The following FGF2 variants were observed in gnomAD, a reference collection of about 807,000 sequenced individuals.
FGF2 encodes the protein fibroblast growth factor 2, also known as basic fibroblast growth factor bFGF.
A neutral mutation model predicts 15.9 loss-of-function variants in FGF2; 13 were observed. That is an observed-to-expected ratio of 0.82 (90% CI 0.53 to 1.30). FGF2 has a LOEUF of 1.30. Ranked by LOEUF, FGF2 falls within the 50% of genes most tolerant of loss-of-function variation. The pLI is 0.00. For missense variants in FGF2, 163 were observed against 196.9 expected, an observed-to-expected ratio of 0.83 and a Z score of 1.03; for synonymous variants, 90 against 78.4, an observed-to-expected ratio of 1.15 and a Z score of -0.78.
intron 2 of FGF2, among the ~76,000 whole-genome samples, chr4:122,886,036 G>A (rs1331378540): frequency 6.8e-6 from 1 of 147,696 alleles, no homozygotes; most frequent in Admixed American, 6.9e-5. Flanking sequence ...CTCCTACCTT[G>A]GCCTCCCAAG....
rs144898802 is a variant in FGF2 at position 122,848,699 on chromosome 4, A to C, written c.178+21347A>C. On this transcript the variant is annotated intron_variant, in intron 1 of 2. Coordinates refer to ENST00000644866, the MANE Select transcript of FGF2 (RefSeq NM_001361665.2). ...TAGTTTCTTTTAAAGTCATGTTCTG[A>C]TCTGTGGTTGCAAATGTCTGCTGCT... is the stretch of plus-strand genomic sequence containing the variant. 4.5e-3 allele frequency among the ~76,000 whole-genome samples: 685 copies of C among 152,220 alleles called. 6 individuals are homozygous for C. Among genetic ancestry groups the C allele is most frequent in the South Asian group, 0.037 (178 of 4,816 alleles).
At chr4:122,852,334 G>A (rs1425856281) in intron 1 of FGF2, among the ~76,000 whole-genome samples, 1 of 152,184 alleles carries the variant, frequency 6.6e-6, no homozygotes, top group Non-Finnish European at 1.5e-5. Context: ...TCCAGGTGCT[G>A]TCTCTCTCAG....
intron 2 of FGF2, chr4:122,889,039 A>C (rs1024981698): frequency 1.3e-5 from 2 of 152,178 alleles, no homozygotes; most frequent in Non-Finnish European, 2.9e-5. Flanking sequence ...TTATTCTTCA[A>C]TTTTAAAAAA....
chr4:122,882,977 T>C (rs1726989990), intron 2 of FGF2: 1 of 152,204 alleles, frequency 6.6e-6, no homozygotes, highest in Non-Finnish European at 1.5e-5. Flanking sequence ...TCCATAGACA[T>C]TAAACTGTCA....
intron 1 of FGF2, among the ~76,000 whole-genome samples, chr4:122,839,423 A>G (rs920446796): frequency 2.6e-5 from 4 of 152,208 alleles, no homozygotes; most frequent in Non-Finnish European, 5.9e-5. Flanking sequence ...AATTTTCTTC[A>G]TTGAGTGAGA....
chr4:122,858,242 G>A (rs901873852), intron 1 of FGF2, among the ~76,000 whole-genome samples: 26 of 152,090 alleles, frequency 1.7e-4, no homozygotes, highest in African/African-American at 5.8e-4. Flanking sequence ...AGTAAAAAAA[G>A]AAAGTTTACT....
rs936650217 is a variant in FGF2 at position 122,892,535 on chromosome 4, A to G, written c.*139A>G. On this transcript the variant is annotated 3_prime_UTR_variant, in exon 3 of 3. Transcript: ENST00000644866. ...AAACAATTTTTTATCCAGTAGTAAAATATGTAACCATTGTCCCAGTAAAGA... is the reference window on the plus strand; with the variant it reads ...AAACAATTTTTTATCCAGTAGTAAAGTATGTAACCATTGTCCCAGTAAAGA... The G allele has an allele frequency of 6.7e-7, 1 of 1,494,788 alleles. No individual in the cohort carries two copies. The highest frequency in any genetic ancestry group is 1.4e-5 in the African/African-American group (1 of 70,396). 92.6% of individuals were successfully genotyped at this position (1,494,788 alleles called of 1,614,324 possible). A position where few individuals can be genotyped will look rare whatever the true frequency, so the allele number is the denominator to read the frequency against.
At chr4:122,883,092 A>G (rs1726992038) in intron 2 of FGF2, 1 of 152,188 alleles carries the variant, frequency 6.6e-6, no homozygotes, top group African/African-American at 2.4e-5. Flanking sequence ...ATGAACTTGC[A>G]CTTGCCAGAG....
chr4:122,859,791 C>A (rs1034530103), intron 1 of FGF2, among the ~76,000 whole-genome samples: 1 of 152,146 alleles, frequency 6.6e-6, no homozygotes, highest in Non-Finnish European at 1.5e-5. Context: ...CATTTGACAC[C>A]ATGTTATTTA....
chr4:122,860,402 T>C (rs929324515), intron 1 of FGF2, among the ~76,000 whole-genome samples: 1 of 151,052 alleles, frequency 6.6e-6, no homozygotes, highest in African/African-American at 2.4e-5. Flanking sequence ...ACAAAGACTT[T>C]ACAAAGTTCC....
intron 1 of FGF2, among the ~76,000 whole-genome samples, chr4:122,850,709 G>A (rs1316452613): frequency 6.6e-6 from 1 of 152,180 alleles, no homozygotes; most frequent in Non-Finnish European, 1.5e-5. Flanking sequence ...GTAGCTAGTT[G>A]TATGGGACTC....
At chr4:122,883,390 T>C (rs1726997963) in intron 2 of FGF2, 1 of 152,268 alleles carries the variant, frequency 6.6e-6, no homozygotes, top group Non-Finnish European at 1.5e-5. Context: ...ACCGATTTTG[T>C]GTTGTTTGAA....
At chr4:122,890,301 A>G (rs1244915710) in intron 2 of FGF2, among the ~76,000 whole-genome samples, 3 of 152,150 alleles carry the variant, frequency 2.0e-5, no homozygotes, top group South Asian at 4.1e-4. Context: ...ACAGCACAAG[A>G]CAGTCCTGTG....
chr4:122,870,104 T>G (rs1368704330), intron 1 of FGF2, among the ~76,000 whole-genome samples: 3 of 152,234 alleles, frequency 2.0e-5, no homozygotes, highest in Non-Finnish European at 4.4e-5. Flanking sequence ...GTGGTTTTTG[T>G]CTTTGGTTCT....
intron 2 of FGF2, among the ~76,000 whole-genome samples, chr4:122,887,578 A>G (rs1363019972): frequency 6.6e-6 from 1 of 152,230 alleles, no homozygotes; most frequent in African/African-American, 2.4e-5. Context: ...ACAAACTTTT[A>G]AAAGTGTTGA....
intron 1 of FGF2, among the ~76,000 whole-genome samples, chr4:122,846,925 C>T (rs534805746): frequency 3.9e-5 from 6 of 152,222 alleles, no homozygotes; most frequent in South Asian, 2.1e-4. Flanking sequence ...GTCAGTCACA[C>T]GATGGATGCA....
At chr4:122,869,871 A>C (rs1726692060) in intron 1 of FGF2, among the ~76,000 whole-genome samples, 1 of 152,156 alleles carries the variant, frequency 6.6e-6, no homozygotes, top group Non-Finnish European at 1.5e-5. Context: ...TTCCAATACT[A>C]TGTTGAGTAG....
At chr4:122,884,588 C>T (rs1727021237) in intron 2 of FGF2, 1 of 152,222 alleles carries the variant, frequency 6.6e-6, no homozygotes, top group Non-Finnish European at 1.5e-5. Flanking sequence ...TTGATACTTA[C>T]ATCATGTCTG....
At chr4:122,829,515 G>GAATA (rs1414870888) in intron 1 of FGF2, among the ~76,000 whole-genome samples, 1 of 152,162 alleles carries the variant, frequency 6.6e-6, no homozygotes, top group Non-Finnish European at 1.5e-5. Flanking sequence ...GGGAAATGTA[G>GAATA]AATAACTCAT....
Sources: allele counts gnomAD v4.1 joint callset (sites outside exome capture counted in the v4.1 genomes callset), GRCh38; gene constraint gnomAD v4.1.1; transcripts MANE v1.5; gene names NCBI Gene and HGNC (gene_info 2026-07-23, HGNC 2026-07-21).